The following RB1 variants were observed in gnomAD, a reference collection of about 807,000 sequenced individuals.
RB1 encodes the protein retinoblastoma-associated protein.
RB1 carries 18 observed loss-of-function variants against 135.4 expected under a neutral mutation model. The observed-to-expected ratio is 0.13, with a 90% CI of 0.09 to 0.20. RB1 has a LOEUF of 0.20. RB1 is among the 10% of genes least tolerant of loss of function. RB1 has a pLI of 1.00. For synonymous variants in RB1, 365 were observed against 373.2 expected, an observed-to-expected ratio of 0.98 and a Z score of 0.25; for missense variants, 868 against 1,110.0, an observed-to-expected ratio of 0.78 and a Z score of 3.10.
intron 17 of RB1, among the ~76,000 whole-genome samples, chr13:48,398,988 A>G (rs1948669719): frequency 6.6e-6 from 1 of 152,094 alleles, no homozygotes; most frequent in Admixed American, 6.6e-5. Context: ...AAGGATTAAA[A>G]GAAGACTTTA....
chr13:48,477,585 A>C (rs533768714), intron 26 of RB1, among the ~76,000 whole-genome samples, 181 bp downstream of exon 26: 55 of 152,314 alleles, frequency 3.6e-4, no homozygotes, highest in Non-Finnish European at 6.9e-4. Context: ...TATGATGTAA[A>C]ATGAAGGTCA....
chr13:48,459,537 C>T, intron 19 of RB1, 151 bp from the exon 20 acceptor site: 1 of 788,074 alleles, frequency 1.3e-6, no homozygotes, highest in Non-Finnish European at 2.1e-6. Flanking sequence ...AAACATGTTT[C>T]TCTGGGGGAA....
intron 5 of RB1, 103 bp downstream of exon 5, chr13:48,347,966 G>A: frequency 2.4e-6 from 2 of 848,364 alleles, no homozygotes; most frequent in Non-Finnish European, 3.8e-6. Flanking sequence ...GATTATAGCA[G>A]GCTACTTCAT....
intron 7 of RB1, among the ~76,000 whole-genome samples, chr13:48,362,468 T>C (rs1049305622): frequency 1.3e-5 from 2 of 152,058 alleles, no homozygotes; most frequent in Non-Finnish European, 2.9e-5. Context: ...TTGCTAATTA[T>C]TTTTAAGACT....
chr13:48,383,466 A>G (rs1948551971), intron 17 of RB1, among the ~76,000 whole-genome samples: 1 of 152,124 alleles, frequency 6.6e-6, no homozygotes. Context: ...TTTAATTTGT[A>G]TCAGTATATA....
At chr13:48,411,445 G>A in intron 17 of RB1, 1 of 1,613,232 alleles carries the variant, frequency 6.2e-7, no homozygotes, top group Non-Finnish European at 8.5e-7. Context: ...AGGTTATGCT[G>A]AATAAAATTC....
At chr13:48,440,557 A>G (rs1949227112) in intron 17 of RB1, among the ~76,000 whole-genome samples, 1 of 152,194 alleles carries the variant, frequency 6.6e-6, no homozygotes, top group Admixed American at 6.5e-5. Flanking sequence ...GGCTTCATAT[A>G]TATAAAGATT....
At chr13:48,342,463 T>C (rs1250651845) in intron 2 of RB1, 136 bp from the exon 3 acceptor site, 1 of 574,028 alleles carries the variant, frequency 1.7e-6, no homozygotes, top group Non-Finnish European at 3.1e-6. Context: ...CAGAAGGATG[T>C]GTTACAAATA....
At chr13:48,429,860 T>C (rs769906957) in intron 17 of RB1, among the ~76,000 whole-genome samples, 2 of 152,104 alleles carry the variant, frequency 1.3e-5, no homozygotes, top group Non-Finnish European at 2.9e-5. Context: ...ATAGGCAAAG[T>C]GCAGGATGTA....
At chr13:48,333,170 C>T (rs566164308) in intron 2 of RB1, 675 of 396,118 alleles carry the variant, frequency 1.7e-3, no homozygotes, top group Non-Finnish European at 2.6e-3. Flanking sequence ...TAAACTTTTT[C>T]GTTTGTCAAT....
chr13:48,349,225 T>C lies in RB1; in HGVS notation c.607+202T>C, dbSNP rs1280867045. 6.6e-5 allele frequency among the ~76,000 whole-genome samples: 10 copies of C among 151,850 alleles called. 1 individual carries two copies. In the East Asian group the frequency reaches 1.9e-3, roughly 29 times the overall value. ...TGCTTTATTTAATTTTTGTTTCTAA[T>C]ATTCCATCTTCCCTCCCTTTCTTTT... On this transcript the variant is annotated intron_variant, in intron 6 of 26. Transcript: ENST00000267163.
At chr13:48,351,927 G>C (rs1181934020) in intron 6 of RB1, among the ~76,000 whole-genome samples, 1 of 152,092 alleles carries the variant, frequency 6.6e-6, no homozygotes, top group Non-Finnish European at 1.5e-5. Flanking sequence ...ATGCACCTCA[G>C]CCTCCCAAAG....
intron 17 of RB1, among the ~76,000 whole-genome samples, chr13:48,447,700 T>C (rs1949298360): frequency 6.6e-6 from 1 of 152,294 alleles, no homozygotes; most frequent in South Asian, 2.1e-4. Context: ...TGAACCCATG[T>C]ACTGTGGCTC....
chr13:48,371,315 G>C (rs878917600), intron 11 of RB1, among the ~76,000 whole-genome samples: 1 of 152,200 alleles, frequency 6.6e-6, no homozygotes, highest in Non-Finnish European at 1.5e-5. Flanking sequence ...CTGTCAGTCT[G>C]TCTCAGTGGT....
chr13:48,394,132 C>A (rs1279718275), intron 17 of RB1, among the ~76,000 whole-genome samples: 1 of 152,142 alleles, frequency 6.6e-6, no homozygotes, highest in Non-Finnish European at 1.5e-5. Flanking sequence ...CATCACCTCA[C>A]CCGGGAAGCA....
At chr13:48,324,696 T>C (rs1952270140) in intron 2 of RB1, among the ~76,000 whole-genome samples, 1 of 152,210 alleles carries the variant, frequency 6.6e-6, no homozygotes, top group South Asian at 2.1e-4. Flanking sequence ...CTCTTTGATA[T>C]ACTGTTTTTA....
At chr13:48,331,632 T>G (rs1281760176) in intron 2 of RB1, among the ~76,000 whole-genome samples, 10 of 152,210 alleles carry the variant, frequency 6.6e-5, no homozygotes, top group African/African-American at 2.4e-4. Context: ...GGAACTATTG[T>G]TCAATGTTAG....
At chr13:48,317,640 G>C in intron 2 of RB1, 2 of 499,682 alleles carry the variant, frequency 4.0e-6, no homozygotes, top group Non-Finnish European at 6.4e-6. Flanking sequence ...TGCTCGCTGA[G>C]AGCCCCTTGG....
chr13:48,332,567 T>C (rs1216718694), intron 2 of RB1, among the ~76,000 whole-genome samples: 1 of 152,190 alleles, frequency 6.6e-6, no homozygotes, highest in African/African-American at 2.4e-5. Context: ...TGAGACCCTG[T>C]CATGAGACCT....
Sources: allele counts gnomAD v4.1 joint callset (sites outside exome capture counted in the v4.1 genomes callset), GRCh38; gene constraint gnomAD v4.1.1; transcripts MANE v1.5; gene names NCBI Gene and HGNC (gene_info 2026-07-23, HGNC 2026-07-21).